GPR89B: variants seen among roughly 807,000 people sequenced by gnomAD.
GPR89B encodes the protein G protein-coupled receptor 89B.
In GPR89B, 25 loss-of-function variants were observed where a neutral mutation model predicts 52.4. The observed-to-expected ratio is 0.48, with a 90% CI of 0.35 to 0.67. The LOEUF is 0.67. GPR89B is among the 30% of genes least tolerant of loss of function. The pLI, the probability that GPR89B is intolerant of heterozygous loss-of-function variation, is 0.01. For missense variants in GPR89B, 146 were observed against 450.2 expected (o/e 0.32, Z 6.11); for synonymous variants, 52 against 151.2 (o/e 0.34, Z 4.81).
At chr1:147,975,916 G>A (rs1254622243) in intron 10 of GPR89B, among the ~76,000 whole-genome samples, 3 of 151,964 alleles carry the variant, frequency 2.0e-5, no homozygotes, top group East Asian at 1.9e-4. Context: ...ATTATTTACC[G>A]AGGAGTCATT....
At chr1:147,968,658 G>C in intron 8 of GPR89B, 3 of 626,618 alleles carry the variant, frequency 4.8e-6, no homozygotes, top group Non-Finnish European at 8.6e-6. Flanking sequence ...AGTGGTAATT[G>C]TTTGGTGGCG....
At chr1:148,015,974 A>G in the GPR89B span, among the ~76,000 whole-genome samples, 7 of 151,974 alleles carry the variant, frequency 4.6e-5, no homozygotes, top group African/African-American at 1.7e-4. Flanking sequence ...TTCAAGTGAT[A>G]TTAAACCTCG....
At chr1:147,970,573 A>G (rs1429517088) in intron 10 of GPR89B, among the ~76,000 whole-genome samples, 2 of 143,826 alleles carry the variant, frequency 1.4e-5, no homozygotes, top group South Asian at 2.2e-4. Flanking sequence ...CTCTCTCTAT[A>G]TATATATAGA....
the GPR89B span, chr1:148,014,473 C>T: frequency 1.3e-5 from 2 of 151,082 alleles, no homozygotes; most frequent in Non-Finnish European, 2.9e-5. Context: ...CGGACGAGGG[C>T]CCCGCATGTG....
chr1:147,929,822 A>T (rs1319627923), intron 1 of GPR89B, among the ~76,000 whole-genome samples: 2 of 152,116 alleles, frequency 1.3e-5, no homozygotes, highest in African/African-American at 4.8e-5. Context: ...CACCTTTTCT[A>T]TAGTTTTCAT....
At chr1:147,970,173 A>G (rs1229194598) in intron 10 of GPR89B, among the ~76,000 whole-genome samples, 1 of 151,932 alleles carries the variant, frequency 6.6e-6, no homozygotes, top group Non-Finnish European at 1.5e-5. Flanking sequence ...TTCTGTCAGA[A>G]ATTGTTAATA....
chr1:147,971,489 T>G (rs1657465264), intron 10 of GPR89B, among the ~76,000 whole-genome samples: 1 of 136,268 alleles, frequency 7.3e-6, no homozygotes, highest in Non-Finnish European at 1.6e-5. Flanking sequence ...TTTTTTTTTT[T>G]GTGAAGACGG....
intron 5 of GPR89B, among the ~76,000 whole-genome samples, chr1:147,949,869 C>T (rs1259706464): frequency 2.3e-5 from 3 of 130,266 alleles, no homozygotes; most frequent in Admixed American, 7.2e-5. Flanking sequence ...CCAGTAGGGG[C>T]GGCCGGGCAG....
intron 10 of GPR89B, among the ~76,000 whole-genome samples, chr1:147,970,491 ATCTCTC>A (rs1174595676): frequency 0.012 from 1,312 of 105,790 alleles, 5 homozygotes; most frequent in African/African-American, 0.035. Flanking sequence ...GTGAGACTCC[ATCTCTC>A]TCTCTCTCTC....
At chr1:148,024,765 C>T in the GPR89B span, 3 of 150,866 alleles carry the variant, frequency 2.0e-5, no homozygotes, top group Non-Finnish European at 4.4e-5. Context: ...AGCACCTCTG[C>T]ATTCAGCCTC....
intron 8 of GPR89B, chr1:147,967,905 C>T: frequency 5.0e-6 from 1 of 198,376 alleles, no homozygotes; most frequent in South Asian, 8.6e-5. Context: ...AGACATGTAA[C>T]TAGTTAAACC....
At chr1:147,932,794 C>T (rs1408321694) in intron 1 of GPR89B, among the ~76,000 whole-genome samples, 5 of 152,078 alleles carry the variant, frequency 3.3e-5, no homozygotes, top group South Asian at 2.1e-4. Flanking sequence ...CTTAGAGTAG[C>T]GTATTTTGAA....
chr1:147,932,036 A>T (rs1293674410), intron 1 of GPR89B, among the ~76,000 whole-genome samples: 3 of 151,584 alleles, frequency 2.0e-5, no homozygotes, highest in African/African-American at 7.3e-5. Context: ...TAAACTTAAA[A>T]TTTTTGCTTG....
chr1:147,941,188 T>C (rs1654527989), intron 3 of GPR89B, among the ~76,000 whole-genome samples: 1 of 152,182 alleles, frequency 6.6e-6, no homozygotes, highest in South Asian at 2.1e-4. Flanking sequence ...TGTAATCTTG[T>C]TGGGATCCTT....
At chr1:147,993,984 G>A, downstream of GPR89B, 2 of 358,816 alleles carry the variant, frequency 5.6e-6, no homozygotes, top group Non-Finnish European at 1.0e-5. Flanking sequence ...CATCTTTGGT[G>A]CTCAAGGAAC....
At chr1:147,931,625 A>G (rs587751987) in intron 1 of GPR89B, among the ~76,000 whole-genome samples, 1 of 146,080 alleles carries the variant, frequency 6.8e-6, no homozygotes, top group South Asian at 2.2e-4. Context: ...TAGATTTGGT[A>G]CTTGTGCTGG....
chr1:148,006,195 T>C, the GPR89B span, among the ~76,000 whole-genome samples: 1 of 147,676 alleles, frequency 6.8e-6, no homozygotes, highest in South Asian at 2.2e-4. Context: ...TGGGTGGCCT[T>C]GGCCCCTTGC....
the GPR89B span, among the ~76,000 whole-genome samples, chr1:148,015,535 C>T: frequency 6.9e-6 from 1 of 145,926 alleles, no homozygotes; most frequent in South Asian, 2.2e-4. Flanking sequence ...AGGATGGTAT[C>T]AATCTCCTGA....
At chr1:147,941,449 T>TA (rs1654550004) in intron 3 of GPR89B, among the ~76,000 whole-genome samples, 2 of 152,128 alleles carry the variant, frequency 1.3e-5, no homozygotes, top group South Asian at 4.2e-4. Context: ...TCAATGTATC[T>TA]AGTCTAAATG....
Sources: allele counts gnomAD v4.1 joint callset (sites outside exome capture counted in the v4.1 genomes callset), GRCh38; gene constraint gnomAD v4.1.1; transcripts MANE v1.5; gene names NCBI Gene and HGNC (gene_info 2026-07-23, HGNC 2026-07-21).